The following CDH20 variants were observed in gnomAD, a reference collection of about 807,000 sequenced individuals.
CDH20 encodes cadherin 20.
A neutral mutation model predicts 74.2 loss-of-function variants in CDH20; 29 were observed. The ratio of observed to expected loss-of-function variants is 0.39; its 90% CI spans 0.29 to 0.53. The LOEUF (loss-of-function observed/expected upper bound fraction) is 0.53. CDH20 is among the 20% of genes least tolerant of loss of function. The pLI is 0.69. For synonymous variants in CDH20, 469 were observed against 405.4 expected (o/e 1.16, Z -1.88); for missense variants, 988 against 1,048.3 (o/e 0.94, Z 0.79).
At chr18:61,390,771 A>G (rs1911754166) in intron 1 of CDH20, among the ~76,000 whole-genome samples, 1 of 151,526 alleles carries the variant, frequency 6.6e-6, no homozygotes, top group South Asian at 2.1e-4. Flanking sequence ...AGGGAAGGAA[A>G]TAGTGGTTAT....
chr18:61,410,930 G>A (rs980123240), intron 1 of CDH20, among the ~76,000 whole-genome samples: 1 of 152,236 alleles, frequency 6.6e-6, no homozygotes, highest in African/African-American at 2.4e-5. Flanking sequence ...GCTGAGCGCG[G>A]TGGCTCACGC....
intron 1 of CDH20, among the ~76,000 whole-genome samples, chr18:61,347,290 ATATATATATATATATAT>A (rs1910145094): frequency 4.7e-5 from 2 of 42,714 alleles, no homozygotes; most frequent in African/African-American, 1.9e-4. Context: ...CTCTGCTAAT[ATATATATATATATATAT>A]ATATATATAT....
chr18:61,453,014 T>G (rs1909445528), intron 1 of CDH20, among the ~76,000 whole-genome samples: 1 of 152,198 alleles, frequency 6.6e-6, no homozygotes, highest in Admixed American at 6.5e-5. Flanking sequence ...GACTACCCTT[T>G]ACCCCGTGCA....
At chr18:61,508,689 T>G (rs1911669680) in intron 6 of CDH20, among the ~76,000 whole-genome samples, 1 of 152,072 alleles carries the variant, frequency 6.6e-6, no homozygotes, top group South Asian at 2.1e-4. Context: ...CAGGCTGGAG[T>G]ACAGTGGCGC....
chr18:61,415,600 T>A (rs899171365), intron 1 of CDH20, among the ~76,000 whole-genome samples: 29 of 152,346 alleles, frequency 1.9e-4, no homozygotes, highest in African/African-American at 6.7e-4. Context: ...CGAAAACTCA[T>A]AATCTCAAAT....
rs187859133 is a variant in CDH20 at position 61,381,325 on chromosome 18, C to A, written c.-153+47498C>A. Reference sequence around the variant, plus strand: ...GTGAATTTCTCATTTAATCTCTGATCAGGCATTTTACTTGGGTACTCACTG... The same window carrying A: ...GTGAATTTCTCATTTAATCTCTGATAAGGCATTTTACTTGGGTACTCACTG... On this transcript the variant is annotated intron_variant, in intron 1 of 11. Transcript: ENST00000262717. 1.0e-3 allele frequency among the ~76,000 whole-genome samples: 155 copies of A among 152,284 alleles called. 1 individual carries two copies. Among genetic ancestry groups the A allele is most frequent in the Middle Eastern group, 3.4e-3 (1 of 294 alleles).
At chr18:61,359,878 C>T (rs1910631627) in intron 1 of CDH20, among the ~76,000 whole-genome samples, 1 of 152,148 alleles carries the variant, frequency 6.6e-6, no homozygotes, top group Non-Finnish European at 1.5e-5. Context: ...GTTCTGATTT[C>T]CAAACTCCAT....
At chr18:61,551,635 T>TA (rs764986917) in intron 11 of CDH20, among the ~76,000 whole-genome samples, 2 of 152,224 alleles carry the variant, frequency 1.3e-5, no homozygotes, top group Admixed American at 6.5e-5. Flanking sequence ...AGAAAATTGT[T>TA]ACGGTTTCTG....
Position 61,539,939 on chromosome 18 carries a change from A to G in CDH20, c.1530+794A>G, listed in dbSNP as rs552061264. Among the ~76,000 whole-genome samples, 9 of 152,222 alleles carry G rather than the reference A, an allele frequency of 5.9e-5. No homozygotes were observed. In the South Asian group the frequency reaches 1.7e-3, roughly 28 times the overall value. On this transcript the variant is annotated intron_variant, in intron 9 of 11. Transcript: ENST00000262717. The stretch of plus-strand genomic sequence containing the variant: ...ATATACCTCCATAATCTTCAGAGAC[A>G]TATTTGTGTATTTTTTAAGTATGCC...
chr18:61,541,560 A>C (rs1913039920), intron 9 of CDH20, among the ~76,000 whole-genome samples: 1 of 152,226 alleles, frequency 6.6e-6, no homozygotes, highest in Non-Finnish European at 1.5e-5. Context: ...AGTGATCTGA[A>C]GTACAGATCT....
intron 1 of CDH20, among the ~76,000 whole-genome samples, chr18:61,344,071 C>T (rs1207620949): frequency 6.6e-6 from 1 of 152,118 alleles, no homozygotes; most frequent in African/African-American, 2.4e-5. Context: ...TTCTTAGAGG[C>T]TATTGGTTGA....
intron 1 of CDH20, among the ~76,000 whole-genome samples, chr18:61,457,257 G>C (rs1482485404): frequency 6.6e-6 from 1 of 152,082 alleles, no homozygotes; most frequent in Non-Finnish European, 1.5e-5. Flanking sequence ...TGTGAATCTA[G>C]AACACCTGGT....
intron 8 of CDH20, among the ~76,000 whole-genome samples, chr18:61,538,620 G>GTTTTTTTTTTTTTT (rs746315637): frequency 4.8e-5 from 2 of 41,544 alleles, no homozygotes; most frequent in African/African-American, 7.2e-5. Flanking sequence ...TTTTGTTTTT[G>GTTTTTTTTTTTTTT]TTTTGTTTTT....
chr18:61,377,809 G>T (rs1911292587), intron 1 of CDH20, among the ~76,000 whole-genome samples: 1 of 151,962 alleles, frequency 6.6e-6, no homozygotes, highest in African/African-American at 2.4e-5. Flanking sequence ...ATTATGTATT[G>T]GATCTATGTT....
intron 1 of CDH20, among the ~76,000 whole-genome samples, chr18:61,417,718 G>T (rs72991847): frequency 2.6e-5 from 4 of 151,838 alleles, no homozygotes; most frequent in African/African-American, 7.3e-5. Context: ...TAGTTAGATA[G>T]GAGGAGTAAG....
chr18:61,547,935 G>C (rs1913309261), intron 10 of CDH20, among the ~76,000 whole-genome samples: 1 of 151,962 alleles, frequency 6.6e-6, no homozygotes, highest in African/African-American at 2.4e-5. Context: ...ATATATCGTA[G>C]GTATAATACT....
intron 1 of CDH20, among the ~76,000 whole-genome samples, chr18:61,339,351 C>A (rs963177208): frequency 5.4e-5 from 8 of 147,426 alleles, no homozygotes; most frequent in Admixed American, 3.4e-4. Context: ...GGTACATGTG[C>A]AAGTTTATTA....
At chr18:61,500,919 G>A (rs918280650) in intron 4 of CDH20, among the ~76,000 whole-genome samples, 2 of 152,176 alleles carry the variant, frequency 1.3e-5, no homozygotes, top group African/African-American at 4.8e-5. Context: ...GAATCATCCA[G>A]TCCATCACCA....
chr18:61,347,523 G>GA (rs1419232842), intron 1 of CDH20, among the ~76,000 whole-genome samples: 1 of 147,134 alleles, frequency 6.8e-6, no homozygotes, highest in Non-Finnish European at 1.5e-5. Context: ...CTGCCTCAGG[G>GA]AAAAAAACAA....
Sources: gnomAD v4.1 joint callset for allele counts (sites outside exome capture counted in the v4.1 genomes callset) on GRCh38, gnomAD v4.1.1 for gene constraint, MANE v1.5 for transcripts, NCBI Gene and HGNC (gene_info 2026-07-23, HGNC 2026-07-21) for gene names.